The following RBBP8NL variants were observed in gnomAD, a reference collection of about 807,000 sequenced individuals.
RBBP8NL encodes the protein RBBP8 N-terminal like.
A neutral mutation model predicts 62.2 loss-of-function variants in RBBP8NL; 59 were observed. The ratio of observed to expected loss-of-function variants is 0.95; its 90% CI spans 0.77 to 1.18. The LOEUF is 1.18. Ranked by LOEUF, RBBP8NL falls within the 50% of genes most tolerant of loss-of-function variation. RBBP8NL has a pLI of 0.00. For synonymous variants in RBBP8NL, 412 were observed against 394.1 expected, an observed-to-expected ratio of 1.05 and a Z score of -0.54; for missense variants, 896 against 899.5, an observed-to-expected ratio of 1.00 and a Z score of 0.05.
At chr20:62,417,924 G>A (rs6587225) in intron 3 of RBBP8NL, among the ~76,000 whole-genome samples, 141 of 43,196 alleles carry the variant, frequency 3.3e-3, no homozygotes, top group African/African-American at 4.6e-3. Context: ...TCCTGTCCAC[G>A]CAACGCCCCC....
chr20:62,427,082 C>T (rs1018779581), intron 1 of RBBP8NL, among the ~76,000 whole-genome samples: 33 of 152,342 alleles, frequency 2.2e-4, no homozygotes, highest in Non-Finnish European at 3.8e-4. Flanking sequence ...TGGCTGCGCC[C>T]GCTTATCCTC....
Position 62,414,428 on chromosome 20 carries a change from A to G in RBBP8NL, c.923T>C (p.Leu308Pro), listed in dbSNP as rs1988514742. Residue 308 changes from leucine (L) to proline (P), a missense_variant, in exon 10 of 14, where the codon CTG becomes CCG. Transcript: ENST00000252998. The part of the protein sequence containing the change: ...LHLQSPHSSP[L>P]APAAAPSDPR... ...GTCGCTGGGGGCTGCAGCAGGGGCCAGGGGGCTGCTGTGGGGGCTCTGAAG... is the reference window on the plus strand; with the variant it reads ...GTCGCTGGGGGCTGCAGCAGGGGCCGGGGGGCTGCTGTGGGGGCTCTGAAG... 2 of 1,524,394 alleles carry G rather than the reference A, an allele frequency of 1.3e-6. No individual in the cohort carries two copies. Among genetic ancestry groups the G allele is most frequent in the Non-Finnish European group, 1.8e-6 (2 of 1,129,558 alleles). 94.4% of individuals were successfully genotyped at this position (1,524,394 alleles called of 1,614,324 possible). A position where few individuals can be genotyped will look rare whatever the true frequency, so the allele number is the denominator to read the frequency against.
chr20:62,413,572 A>G, intron 10 of RBBP8NL, 27 bp from the exon 11 acceptor site: 1 of 1,502,306 alleles, frequency 6.7e-7, no homozygotes, highest in Non-Finnish European at 8.8e-7. Context: ...AGGTGGCTTG[A>G]GTTTATTTGG....
intron 1 of RBBP8NL, among the ~76,000 whole-genome samples, chr20:62,422,915 G>A (rs928256692): frequency 6.6e-6 from 1 of 152,070 alleles, no homozygotes; most frequent in South Asian, 2.1e-4. Context: ...CCACAGACCC[G>A]CCTGGGCTTT....
In RBBP8NL at chr20:62,413,520, G is replaced by A; in HGVS notation, c.1556C>T (p.Ser519Phe). The change falls in exon 11 of 14, where the codon TCC (serine) becomes TTC (phenylalanine). Residue 519 changes from serine to phenylalanine, a missense_variant. Coordinates refer to ENST00000252998, the MANE Select transcript of RBBP8NL (RefSeq NM_080833.3). ...PMDPSRPLPG[S>F]QLSLSSPGST... Reference sequence around the variant, plus strand: ...GCCTGGAGAGGACAGGCTGAGCTGGGACCCTGGAAGTGGGCGTGAGGGGTC... The same window carrying A: ...GCCTGGAGAGGACAGGCTGAGCTGGAACCCTGGAAGTGGGCGTGAGGGGTC... The A allele has an allele frequency of 3.3e-6, 5 of 1,523,408 alleles. No individual in the cohort carries two copies. The highest frequency in any genetic ancestry group is 3.5e-6 in the Non-Finnish European group (4 of 1,142,242). 94.4% of individuals were successfully genotyped at this position (1,523,408 alleles called of 1,614,324 possible). A position where few individuals can be genotyped will look rare whatever the true frequency, so the allele number is the denominator to read the frequency against.
chr20:62,416,710 C>A (rs747319623), intron 5 of RBBP8NL, 50 bp downstream of exon 5: 1 of 1,337,384 alleles, frequency 7.5e-7, no homozygotes, highest in Non-Finnish European at 1.0e-6. Context: ...GGCCTGGGGT[C>A]GCCTGGCCCC....
chr20:62,420,410 C>A (rs1043388034), intron 1 of RBBP8NL, among the ~76,000 whole-genome samples: 1 of 151,234 alleles, frequency 6.6e-6, no homozygotes, highest in African/African-American at 2.4e-5. Flanking sequence ...CATGTGCACA[C>A]AACACACATG....
Position 62,410,402 on chromosome 20 carries a change from C to A in RBBP8NL, c.*476G>T, listed in dbSNP as rs1988405859. On this transcript the variant is annotated 3_prime_UTR_variant, in exon 14 of 14. Coordinates refer to ENST00000252998, the MANE Select transcript of RBBP8NL (RefSeq NM_080833.3). ...GAGCTTGGCGGGCAGGGGTGGGGGT[C>A]CGAGTGGTCCGTTGCCTCCCAGAGC... The A allele has an allele frequency of 1.3e-5, 2 of 156,072 alleles. No individual in the cohort carries two copies. The highest frequency in any genetic ancestry group is 2.0e-4 in the South Asian group (1 of 4,938). The allele number at this position is 156,072 out of a possible 1,614,324, so 9.7% of individuals were successfully genotyped here.
chr20:62,414,581 A>G (rs1441846770), intron 9 of RBBP8NL, 25 bp from the exon 10 acceptor site: 2 of 1,414,702 alleles, frequency 1.4e-6, no homozygotes, highest in African/African-American at 2.9e-5. Context: ...AAGCCGAATG[A>G]CCATGGCTGT....
intron 11 of RBBP8NL, 35 bp from the exon 12 acceptor site, chr20:62,412,935 G>T (rs1248269729): frequency 5.6e-6 from 9 of 1,608,558 alleles, no homozygotes; most frequent in Admixed American, 1.7e-5. Flanking sequence ...AGGCCAGGCT[G>T]GTGGCACCGG....
At position 62,414,111 on chromosome 20, in the gene RBBP8NL, C is replaced by T. The variant is rs1026695572; in HGVS notation, c.1240G>A (p.Gly414Arg). The T allele has an allele frequency of 6.3e-7, 1 of 1,594,886 alleles. No individual in the cohort carries two copies. The highest frequency in any genetic ancestry group is 1.3e-5 in the African/African-American group (1 of 74,664). Residue 414 changes from glycine (G) to arginine (R), a missense_variant, in exon 10 of 14, where the codon GGG becomes AGG. Coordinates refer to ENST00000252998, the MANE Select transcript of RBBP8NL (RefSeq NM_080833.3). ...AALAAAGLSG[G>R]RHTQPAGPGR... Reference sequence around the variant, plus strand: ...GGGCCTGCAGGCTGTGTGTGCCGCCCTCCAGACAGGCCTGCTGCGGCCAGA... The same window carrying T: ...GGGCCTGCAGGCTGTGTGTGCCGCCTTCCAGACAGGCCTGCTGCGGCCAGA...
chr20:62,423,959 G>A (rs1049981862), intron 1 of RBBP8NL, among the ~76,000 whole-genome samples: 2 of 151,988 alleles, frequency 1.3e-5, no homozygotes, highest in African/African-American at 4.8e-5. Flanking sequence ...TGTTGGGCTT[G>A]CCAAGGGCAG....
In RBBP8NL at chr20:62,416,786, T is replaced by C; in HGVS notation, c.287A>G (p.Gln96Arg). ...GAGGATGAAGATGCGCTGCAGGTTCTGCAGGTGGGAGCTCTCGAACTCCTG... is the reference window on the plus strand; with the variant it reads ...GAGGATGAAGATGCGCTGCAGGTTCCGCAGGTGGGAGCTCTCGAACTCCTG... ...RQQEFESSHL[Q>R]NLQRIFILTN... Residue 96 changes from glutamine to arginine, a missense_variant, in exon 5 of 14, where the codon CAG (glutamine) becomes CGG (arginine). Transcript: ENST00000252998. The C allele has an allele frequency of 6.3e-7, 1 of 1,590,094 alleles. No homozygotes were observed. The highest frequency in any genetic ancestry group is 8.6e-7 in the Non-Finnish European group (1 of 1,167,826).
intron 1 of RBBP8NL, among the ~76,000 whole-genome samples, chr20:62,422,518 C>A (rs1305833605): frequency 9.4e-5 from 6 of 63,834 alleles, no homozygotes; most frequent in Non-Finnish European, 1.3e-4. Flanking sequence ...CCGAGAGAGG[C>A]CTTGGGACCC....
chr20:62,419,744 AGAGGG>A lies in RBBP8NL; in HGVS notation c.-83-19_-83-15del. 3 of 1,356,054 alleles carry A rather than the reference AGAGGG, an allele frequency of 2.2e-6. No individual in the cohort carries two copies. In the Admixed American group the frequency reaches 5.3e-5, roughly 24 times the overall value. The allele number at this position is 1,356,054 out of a possible 1,614,324, so 84.0% of individuals were successfully genotyped here. ...TCTGTGTCCATCCTGAAGAGGAGGA[AGAGGG>A]GACAGGGATCCGCTCAGGAAGGGCT... On this transcript the variant is annotated splice_polypyrimidine_tract_variant and intron_variant, in intron 1 of 13. Transcript: ENST00000252998.
chr20:62,422,509 C>T (rs369714852), intron 1 of RBBP8NL, among the ~76,000 whole-genome samples: 1 of 78,230 alleles, frequency 1.3e-5, no homozygotes, highest in Non-Finnish European at 2.6e-5. Context: ...CCTTGGACCC[C>T]GAGAGAGGCC....
At position 62,419,669 on chromosome 20, in the gene RBBP8NL, G is replaced by C; in HGVS notation, c.-22C>G. ...CCATGGCTCCCTGTGGCCCTGGCCC[G>C]GGCCCCTCTGCGCTGGGGTTGTGGA... is the stretch of plus-strand genomic sequence containing the variant. On this transcript the variant is annotated 5_prime_UTR_variant, in exon 2 of 14. Coordinates refer to ENST00000252998, the MANE Select transcript of RBBP8NL (RefSeq NM_080833.3). 6.2e-7 allele frequency: 1 copy of C among 1,612,028 alleles called. No individual in the cohort carries two copies. Among genetic ancestry groups the C allele is most frequent in the Non-Finnish European group, 8.5e-7 (1 of 1,179,788 alleles).
intron 2 of RBBP8NL, 72 bp downstream of exon 2, chr20:62,419,515 G>T: frequency 6.7e-7 from 1 of 1,495,334 alleles, no homozygotes; most frequent in Non-Finnish European, 9.3e-7. Context: ...GGTGCACAGT[G>T]GCCTGCTCCG....
At chr20:62,421,198 G>A (rs1215774841) in intron 1 of RBBP8NL, among the ~76,000 whole-genome samples, 1 of 152,248 alleles carries the variant, frequency 6.6e-6, no homozygotes, top group African/African-American at 2.4e-5. Flanking sequence ...TCACGCGGTC[G>A]GGTGGGGGAG....
Sources: gnomAD v4.1 joint callset for allele counts (sites outside exome capture counted in the v4.1 genomes callset) on GRCh38, gnomAD v4.1.1 for gene constraint, MANE v1.5 for transcripts, NCBI Gene and HGNC (gene_info 2026-07-23, HGNC 2026-07-21) for gene names.